FNDC3B: variants seen among roughly 807,000 people sequenced by gnomAD.
The protein encoded by FNDC3B is fibronectin type III domain containing 3B.
FNDC3B carries 12 observed loss-of-function variants against 151.5 expected under a neutral mutation model. The observed-to-expected ratio is 0.08, with a 90% CI of 0.05 to 0.13. The LOEUF (loss-of-function observed/expected upper bound fraction) is 0.13, where lower values mean the gene tolerates loss of function less well. Among genes scored for constraint, FNDC3B ranks in the 10% least tolerant of loss-of-function variants. The probability of loss-of-function intolerance (pLI) is 1.00; values close to 1 mark genes in which losing one functional copy is unlikely to be tolerated. For synonymous variants in FNDC3B, 528 were observed against 549.0 expected, an observed-to-expected ratio of 0.96 and a Z score of 0.54; for missense variants, 1,214 against 1,505.3, an observed-to-expected ratio of 0.81 and a Z score of 3.20.
intron 20 of FNDC3B, 55 bp from the exon 21 acceptor site, chr3:172,347,157 A>G (rs1733651659): frequency 2.8e-5 from 42 of 1,504,456 alleles, no homozygotes; most frequent in Non-Finnish European, 3.6e-5. Flanking sequence ...ATACAAGCAC[A>G]GTAGGATTCT....
intron 3 of FNDC3B, among the ~76,000 whole-genome samples, chr3:172,142,036 C>T (rs1017820265): frequency 3.2e-4 from 48 of 152,172 alleles, no homozygotes; most frequent in African/African-American, 9.2e-4. Flanking sequence ...TCCTTAACTT[C>T]TCTACACCTC....
intron 6 of FNDC3B, among the ~76,000 whole-genome samples, chr3:172,259,463 G>A (rs1728530738): frequency 2.0e-5 from 3 of 152,188 alleles, no homozygotes; most frequent in Admixed American, 2.0e-4. Context: ...GATGGAGATA[G>A]TTCTGGGGAC....
chr3:172,167,636 A>G (rs558265911), intron 3 of FNDC3B, among the ~76,000 whole-genome samples: 1 of 152,308 alleles, frequency 6.6e-6, no homozygotes, highest in South Asian at 2.1e-4. Context: ...GGGGTCCCCA[A>G]GCCCTGGGCC....
chr3:172,196,723 A>C (rs78057460), intron 3 of FNDC3B, among the ~76,000 whole-genome samples: 6,454 of 152,154 alleles, frequency 0.042, 326 homozygotes, highest in African/African-American at 0.12. Flanking sequence ...ACAGCCCTCA[A>C]AGTCTTGTAA....
chr3:172,379,153 A>G (rs1735305030), intron 24 of FNDC3B, among the ~76,000 whole-genome samples: 1 of 152,196 alleles, frequency 6.6e-6, no homozygotes, highest in East Asian at 1.9e-4. Context: ...GGAAATAGCA[A>G]TAGAAACCAT....
chr3:172,100,051 TTG>T (rs1162525943), intron 1 of FNDC3B, among the ~76,000 whole-genome samples: 2 of 152,228 alleles, frequency 1.3e-5, no homozygotes, highest in African/African-American at 4.8e-5. Flanking sequence ...GAAAAATATT[TTG>T]TGTGTGTCTT....
intron 9 of FNDC3B, among the ~76,000 whole-genome samples, chr3:172,299,834 G>T (rs762875876): frequency 2.2e-4 from 34 of 152,006 alleles, no homozygotes; most frequent in Non-Finnish European, 3.5e-4. Flanking sequence ...GCCCTGAACG[G>T]GCTGTTTTAA....
Position 172,330,476 on chromosome 3 carries a change from C to T in FNDC3B, c.1380-65C>T, listed in dbSNP as rs1192864346. 17 of 1,442,042 alleles carry T rather than the reference C, an allele frequency of 1.2e-5. No individual in the cohort carries two copies. The Admixed American group carries it at 3.2e-4, about 27-fold the overall frequency. The allele number at this position is 1,442,042 out of a possible 1,614,324, so 89.3% of individuals were successfully genotyped here. A position where few individuals can be genotyped will look rare whatever the true frequency, so the allele number is the denominator to read the frequency against. On this transcript the variant is annotated intron_variant, in intron 12 of 25. Coordinates refer to ENST00000415807, the MANE Select transcript of FNDC3B (RefSeq NM_022763.4). ...TGGGTAGTGTGCAGGCTGAGCCTTC[C>T]TCTTTTAAAATGCCAAGCCTCTTCA...
At chr3:172,173,494 A>G (rs1475167512) in intron 3 of FNDC3B, among the ~76,000 whole-genome samples, 1 of 151,946 alleles carries the variant, frequency 6.6e-6, no homozygotes, top group Non-Finnish European at 1.5e-5. Context: ...CACGTTGGAA[A>G]TGTTTAAAGC....
chr3:172,247,791 G>A lies in FNDC3B; in HGVS notation c.508+15G>A, dbSNP rs370845223. 4.8e-5 allele frequency: 78 copies of A among 1,613,780 alleles called. No homozygotes were observed. In the Middle Eastern group the frequency reaches 8.2e-4, roughly 17 times the overall value. On this transcript the variant is annotated intron_variant, in intron 5 of 25. Transcript: ENST00000415807. The stretch of plus-strand genomic sequence containing the variant: ...TGGTGAGCAAGGTGAGTAGATTTTC[G>A]TTGGCGTCAGGAGCCGTTGAAACTG...
chr3:172,274,228 G>A lies in FNDC3B; in HGVS notation c.791-11698G>A, dbSNP rs143390888. On this transcript the variant is annotated intron_variant, in intron 6 of 25. Coordinates refer to ENST00000415807, the MANE Select transcript of FNDC3B (RefSeq NM_022763.4). ...AACTGACCTTCTGTAATTGGATATG[G>A]CCTCTTACAGAAGCAGTAGTATAAA... is the stretch of plus-strand genomic sequence containing the variant. 9.6e-3 allele frequency among the ~76,000 whole-genome samples: 1,466 copies of A among 152,188 alleles called. 22 individuals carry two copies. Among genetic ancestry groups the A allele is most frequent in the Non-Finnish European group, 0.011 (731 of 68,004 alleles).
chr3:172,293,528 T>C (rs1730446757), intron 7 of FNDC3B, among the ~76,000 whole-genome samples: 1 of 152,144 alleles, frequency 6.6e-6, no homozygotes, highest in Admixed American at 6.5e-5. Context: ...TTGGATTCTG[T>C]CCTTAGGGAG....
chr3:172,114,491 C>T (rs1380577945), intron 2 of FNDC3B, among the ~76,000 whole-genome samples: 4 of 152,164 alleles, frequency 2.6e-5, no homozygotes, highest in Non-Finnish European at 4.4e-5. Flanking sequence ...TCCCACATGT[C>T]TGTAATTCAG....
At chr3:172,373,653 C>T (rs989258450) in intron 23 of FNDC3B, among the ~76,000 whole-genome samples, 19 of 152,114 alleles carry the variant, frequency 1.2e-4, no homozygotes, top group Admixed American at 9.8e-4. Context: ...AAAAAATTAA[C>T]TTAGTCTTTG....
intron 22 of FNDC3B, among the ~76,000 whole-genome samples, chr3:172,354,169 A>G (rs1553795407): frequency 6.6e-6 from 1 of 152,144 alleles, no homozygotes; most frequent in Non-Finnish European, 1.5e-5. Context: ...ATATCATTCT[A>G]TAGTAGTTTA....
rs115086081 is a variant in FNDC3B at position 172,076,533 on chromosome 3, C to T, written c.-28-35919C>T. On this transcript the variant is annotated intron_variant, in intron 1 of 25. Coordinates refer to ENST00000415807, the MANE Select transcript of FNDC3B (RefSeq NM_022763.4). ...ATTGTGAGTTCCTCCTGCCTTTCCA[C>T]TTGAGTGCACATCTTGGCAAAGATG... 9.5e-3 allele frequency among the ~76,000 whole-genome samples: 1,440 copies of T among 152,306 alleles called. 26 individuals are homozygous for T. The highest frequency in any genetic ancestry group is 0.033 in the African/African-American group (1,382 of 41,570).
At chr3:172,154,525 T>C (rs1349035704) in intron 3 of FNDC3B, among the ~76,000 whole-genome samples, 1 of 152,140 alleles carries the variant, frequency 6.6e-6, no homozygotes, top group Non-Finnish European at 1.5e-5. Context: ...TTCTAAGAAG[T>C]GATCGTAGAA....
At chr3:172,075,890 TTA>T (rs1240543244) in intron 1 of FNDC3B, among the ~76,000 whole-genome samples, 1 of 152,104 alleles carries the variant, frequency 6.6e-6, no homozygotes, top group African/African-American at 2.4e-5. Flanking sequence ...ACTAAATTGA[TTA>T]TGTGACCCAA....
At chr3:172,299,861 T>C (rs987596007) in intron 9 of FNDC3B, among the ~76,000 whole-genome samples, 2 of 152,188 alleles carry the variant, frequency 1.3e-5, no homozygotes, top group East Asian at 3.8e-4. Context: ...TCAATTCACA[T>C]AGAACGCTCT....
Sources: allele counts gnomAD v4.1 joint callset (sites outside exome capture counted in the v4.1 genomes callset), GRCh38; gene constraint gnomAD v4.1.1; transcripts MANE v1.5; gene names NCBI Gene and HGNC (gene_info 2026-07-23, HGNC 2026-07-21).